GTPBP4: variants seen among roughly 807,000 people sequenced by gnomAD.
GTPBP4 encodes the protein GTP binding protein 4.
In GTPBP4, 15 loss-of-function variants were observed where a neutral mutation model predicts 81.7. The observed-to-expected ratio is 0.18, with a 90% CI of 0.12 to 0.28. GTPBP4 has a LOEUF of 0.28. Ranked by LOEUF, GTPBP4 falls within the 10% of genes least tolerant of loss-of-function variation. The pLI is 1.00. For missense variants in GTPBP4, 847 were observed against 793.8 expected (o/e 1.07, Z -0.81); for synonymous variants, 272 against 274.6 (o/e 0.99, Z 0.09).
rs869154759 is a variant in GTPBP4, at chr10:989,114, CTTTT to C, written c.48+607_48+610del. 3.0e-3 allele frequency among the ~76,000 whole-genome samples: 303 copies of C among 102,070 alleles called. 2 individuals are homozygous for C. Among genetic ancestry groups the C allele is most frequent in the African/African-American group, 0.011 (289 of 25,494 alleles). 67.0% of individuals were successfully genotyped at this position (102,070 alleles called of 152,430 possible). On this transcript the variant is annotated intron_variant, in intron 1 of 16. Transcript: ENST00000360803. ...AGTCAACAAGTGTTGAGTATTAGGA[CTTTT>C]TTTTTTTTTTTTTTTTTTTGAGACA...
intron 13 of GTPBP4, among the ~76,000 whole-genome samples, chr10:1,011,124 G>C (rs1413240760): frequency 3.1e-5 from 3 of 97,582 alleles, no homozygotes; most frequent in Non-Finnish European, 6.7e-5. Flanking sequence ...CGAGACTCTG[G>C]TGGAGATGCT....
At chr10:1,006,304 C>T (rs1003227256) in intron 9 of GTPBP4, among the ~76,000 whole-genome samples, 1 of 152,244 alleles carries the variant, frequency 6.6e-6, no homozygotes, top group Non-Finnish European at 1.5e-5. Context: ...CACATGCTGT[C>T]CTAATTACTT....
rs1482758794 is a variant in GTPBP4 at position 1,018,158 on chromosome 10, G to T, written c.*931G>T. 3 of 152,282 alleles carry T rather than the reference G, an allele frequency of 2.0e-5. No individual in the cohort carries two copies. 9.4% of individuals were successfully genotyped at this position (152,282 alleles called of 1,614,324 possible). On this transcript the variant is annotated 3_prime_UTR_variant, in exon 17 of 17. Transcript: ENST00000360803. ...TTACCAGGGCTGGGCTGGGCGCAGG[G>T]GCTCAAGCCTGTAGTTCCAGCACTT...
chr10:988,540 G>A lies in GTPBP4; in HGVS notation c.48+13G>A. On this transcript the variant is annotated intron_variant, in intron 1 of 16. Coordinates refer to ENST00000360803, the MANE Select transcript of GTPBP4 (RefSeq NM_012341.3). ...GCCGTCCGCCAAGGTAGGCGGCCCCGGGAGGGCCACTGCAACTTTCGCGTT... is the reference window on the plus strand; with the variant it reads ...GCCGTCCGCCAAGGTAGGCGGCCCCAGGAGGGCCACTGCAACTTTCGCGTT... The A allele has an allele frequency of 1.2e-6, 2 of 1,604,502 alleles. No homozygotes were observed. Among genetic ancestry groups the A allele is most frequent in the Non-Finnish European group, 1.7e-6 (2 of 1,172,292 alleles).
chr10:1,010,922 C>A, intron 13 of GTPBP4, among the ~76,000 whole-genome samples: 1 of 150,884 alleles, frequency 6.6e-6, no homozygotes. Flanking sequence ...CCTTCCCCAC[C>A]CCGAGACTCT....
chr10:1,019,903 A>C lies in GTPBP4; in HGVS notation c.*2676A>C. ...ACACAGAATTTACAGAAAAATAGAGAAAATAAACACATTTGTTTTCCTCAG... is the reference window on the plus strand; with the variant it reads ...ACACAGAATTTACAGAAAAATAGAGCAAATAAACACATTTGTTTTCCTCAG... On this transcript the variant is annotated 3_prime_UTR_variant, in exon 17 of 17. Coordinates refer to ENST00000360803, the MANE Select transcript of GTPBP4 (RefSeq NM_012341.3). 8.9e-7 allele frequency: 1 copy of C among 1,119,268 alleles called. No individual in the cohort carries two copies. Among genetic ancestry groups the C allele is most frequent in the Non-Finnish European group, 1.3e-6 (1 of 755,178 alleles). The allele number at this position is 1,119,268 out of a possible 1,614,324, so 69.3% of individuals were successfully genotyped here. A position where few individuals can be genotyped will look rare whatever the true frequency, so the allele number is the denominator to read the frequency against.
intron 9 of GTPBP4, among the ~76,000 whole-genome samples, chr10:1,006,322 C>T (rs1831730659): frequency 6.6e-6 from 1 of 152,238 alleles, no homozygotes; most frequent in South Asian, 2.1e-4. Context: ...CTTTGTATTT[C>T]ATGTTGTTTT....
chr10:992,363 G>C (rs1317415780), intron 1 of GTPBP4, 126 bp from the exon 2 acceptor site: 18 of 586,374 alleles, frequency 3.1e-5, no homozygotes, highest in Admixed American at 6.5e-5. Flanking sequence ...TCGTGCCACT[G>C]CACTCCAGCC....
In GTPBP4 at chr10:1,017,196, A is replaced by G. The variant is rs536411468; in HGVS notation, c.1874A>G (p.Lys625Arg). ...DMKPKHLLSG[K>R]RKAGKKDRR ...AAGCCCAAGCACTTGCTGTCTGGGA[A>G]GAGGAAAGCTGGTAAAAAGGACAGG... Residue 625 changes from lysine to arginine, a missense_variant, in exon 17 of 17, where the codon AAG becomes AGG. Coordinates refer to ENST00000360803, the MANE Select transcript of GTPBP4 (RefSeq NM_012341.3). 6.2e-7 allele frequency: 1 copy of G among 1,614,150 alleles called. No individual in the cohort carries two copies. The highest frequency in any genetic ancestry group is 1.3e-5 in the African/African-American group (1 of 75,056).
At chr10:999,701 G>A (rs1384932911) in intron 6 of GTPBP4, among the ~76,000 whole-genome samples, 1 of 152,202 alleles carries the variant, frequency 6.6e-6, no homozygotes, top group African/African-American at 2.4e-5. Context: ...ATTCACGCCT[G>A]TAATCCCAAC....
Position 996,359 on chromosome 10 carries a change from C to T in GTPBP4, c.460+117C>T, listed in dbSNP as rs558247622. 6.1e-5 allele frequency: 49 copies of T among 798,592 alleles called. 2 individuals are homozygous for T. The South Asian group carries it at 9.8e-4, about 16-fold the overall frequency. 49.5% of individuals were successfully genotyped at this position (798,592 alleles called of 1,614,324 possible). ...TTTGGAGATGACAGGGTCAGTTATT[C>T]TTCCTAGCTTTACCTATGAGAAACA... On this transcript the variant is annotated intron_variant, in intron 4 of 16. Transcript: ENST00000360803.
intron 16 of GTPBP4, among the ~76,000 whole-genome samples, chr10:1,016,691 T>C (rs1409350295): frequency 6.6e-6 from 1 of 152,270 alleles, no homozygotes. Flanking sequence ...TAGTCCTGGG[T>C]ATAAAGCTTG....
In GTPBP4 at chr10:1,019,692, C is replaced by T. The variant is rs1832055986; in HGVS notation, c.*2465C>T. 1.2e-5 allele frequency: 20 copies of T among 1,613,932 alleles called. 1 individual carries two copies. The African/African-American group carries it at 1.6e-4, about 13-fold the overall frequency. ...CTCCTCCTGGGACAGGTAGAGGATGCTTTTCGTTTCACTGGGATCCGGGTT... is the reference window on the plus strand; with the variant it reads ...CTCCTCCTGGGACAGGTAGAGGATGTTTTTCGTTTCACTGGGATCCGGGTT... On this transcript the variant is annotated 3_prime_UTR_variant, in exon 17 of 17. Transcript: ENST00000360803.
chr10:1,017,598 T>G lies in GTPBP4; in HGVS notation c.*371T>G, dbSNP rs1218891870. ...GTGTGTCGGAATCCCGTGCTTAAAATACGCTCTTAAATTATTTTCTAGTCT... is the reference window on the plus strand; with the variant it reads ...GTGTGTCGGAATCCCGTGCTTAAAAGACGCTCTTAAATTATTTTCTAGTCT... On this transcript the variant is annotated 3_prime_UTR_variant, in exon 17 of 17. Coordinates refer to ENST00000360803, the MANE Select transcript of GTPBP4 (RefSeq NM_012341.3). 1 of 167,714 alleles carries G rather than the reference T, an allele frequency of 6.0e-6. No individual in the cohort carries two copies. Among genetic ancestry groups the G allele is most frequent in the Non-Finnish European group, 1.3e-5 (1 of 78,778 alleles). 10.4% of individuals were successfully genotyped at this position (167,714 alleles called of 1,614,324 possible).
Position 998,823 on chromosome 10 carries a change from C to A in GTPBP4, c.562-180C>A, listed in dbSNP as rs187836598. ...TGCCAGCCCTCACGCTGTCCTAGTA[C>A]CCCAGTCCTTGGCCTGGTGGTGCAA... is the stretch of plus-strand genomic sequence containing the variant. On this transcript the variant is annotated intron_variant, in intron 5 of 16. Transcript: ENST00000360803. Among the ~76,000 whole-genome samples the A allele has an allele frequency of 5.9e-5, 9 of 152,266 alleles. No homozygotes were observed. The East Asian group carries it at 1.7e-3, about 29-fold the overall frequency.
intron 8 of GTPBP4, among the ~76,000 whole-genome samples, chr10:1,004,854 C>G (rs1310033584): frequency 6.6e-6 from 1 of 152,158 alleles, no homozygotes; most frequent in African/African-American, 2.4e-5. Context: ...GTGGCCACTT[C>G]CCCTGAGCAA....
Position 1,012,531 on chromosome 10 carries a change from G to A in GTPBP4, c.1411G>A (p.Glu471Lys). 4.3e-6 allele frequency: 7 copies of A among 1,612,802 alleles called. No individual in the cohort carries two copies. The highest frequency in any genetic ancestry group is 5.9e-6 in the Non-Finnish European group (7 of 1,178,768). The part of the protein sequence containing the change: ...TAAGEYDSVS[E>K]SEDEEMLEIR... Reference sequence around the variant, plus strand: ...TGCTGGAGAGTATGACAGTGTATCTGAGAGTGAAGACGAAGAGATGCTGGA... The same window carrying A: ...TGCTGGAGAGTATGACAGTGTATCTAAGAGTGAAGACGAAGAGATGCTGGA... The change falls in exon 14 of 17, where the codon GAG (glutamate) becomes AAG (lysine). Residue 471 changes from glutamate to lysine, a missense_variant. This residue lies in a region of GTPBP4 where 600 missense variants were observed against 557.1 expected (regional missense o/e 1.08). Transcript: ENST00000360803.
chr10:992,436 G>T lies in GTPBP4; in HGVS notation c.49-53G>T, dbSNP rs923721757. ...AAAAAAGGAAGGTTTCAAATAAATG[G>T]CTCAAAAGTAGACCCTTTTGATGTA... On this transcript the variant is annotated intron_variant, in intron 1 of 16. Coordinates refer to ENST00000360803, the MANE Select transcript of GTPBP4 (RefSeq NM_012341.3). 7.2e-6 allele frequency: 8 copies of T among 1,108,398 alleles called. No homozygotes were observed. In the African/African-American group the frequency reaches 1.3e-4, roughly 18 times the overall value. The allele number at this position is 1,108,398 out of a possible 1,614,324, so 68.7% of individuals were successfully genotyped here.
At chr10:1,001,106 T>C in intron 8 of GTPBP4, 93 bp downstream of exon 8, 1 of 785,312 alleles carries the variant, frequency 1.3e-6, no homozygotes, top group South Asian at 1.5e-5. Flanking sequence ...ATTTTAGCAA[T>C]ACTAGTCCAC....
Sources: allele counts gnomAD v4.1 joint callset (sites outside exome capture counted in the v4.1 genomes callset), GRCh38; gene constraint gnomAD v4.1.1; regional missense constraint gnomAD v4.1.1; transcripts MANE v1.5; gene names NCBI Gene and HGNC (gene_info 2026-07-23, HGNC 2026-07-21).